Variants in ZNF609 observed in about 807,000 individuals in gnomAD.
ZNF609 encodes zinc finger protein 609.
Under a neutral mutation model 109.5 loss-of-function variants are expected in ZNF609, and 11 were observed. The ratio of observed to expected loss-of-function variants is 0.10; its 90% CI spans 0.06 to 0.17. The LOEUF (loss-of-function observed/expected upper bound fraction) is 0.17. ZNF609 is among the 10% of genes least tolerant of loss of function. The pLI, the probability that ZNF609 is intolerant of heterozygous loss-of-function variation, is 1.00. For missense variants in ZNF609, 1,559 were observed against 1,772.4 expected, an observed-to-expected ratio of 0.88 and a Z score of 2.16; for synonymous variants, 646 against 662.0, an observed-to-expected ratio of 0.98 and a Z score of 0.37.
intron 2 of ZNF609, among the ~76,000 whole-genome samples, chr15:64,562,452 T>C (rs1431084697): frequency 6.6e-6 from 1 of 152,196 alleles, no homozygotes; most frequent in East Asian, 1.9e-4. Flanking sequence ...CTATGTGACT[T>C]CAAAGCTGGT....
At position 64,675,819 on chromosome 15, in the gene ZNF609, A is replaced by G; in HGVS notation, c.2965A>G (p.Ser989Gly). The change falls in exon 5 of 10, where the codon AGT (serine) becomes GGT (glycine). Residue 989 changes from serine (S) to glycine (G), a missense_variant. Physicochemically the swap from Ser to Gly is moderately conservative, Grantham distance 56. Transcript: ENST00000326648. ...ACCCCCCTATGGCTACAGCGACCAG[A>G]GTTACCACACCCACCTTCTGAGCAC... is the stretch of plus-strand genomic sequence containing the variant. ...YVPPYGYSDQSYHTHLLSTNT... is the reference protein window; with the variant it reads ...YVPPYGYSDQGYHTHLLSTNT... 9 of 1,614,214 alleles carry G rather than the reference A, an allele frequency of 5.6e-6. No individual in the cohort carries two copies. The highest frequency in any genetic ancestry group is 6.8e-6 in the Non-Finnish European group (8 of 1,180,046).
chr15:64,560,191 G>A (rs1894653711), intron 2 of ZNF609, among the ~76,000 whole-genome samples: 1 of 152,024 alleles, frequency 6.6e-6, no homozygotes, highest in African/African-American at 2.4e-5. Flanking sequence ...GACTACAGGT[G>A]CATGCCACCA....
chr15:64,666,866 G>A (rs953345543), intron 3 of ZNF609, among the ~76,000 whole-genome samples: 1 of 151,346 alleles, frequency 6.6e-6, no homozygotes, highest in Non-Finnish European at 1.5e-5. Flanking sequence ...GGTGGCTCAT[G>A]CCTGTAATCC....
chr15:64,472,521 C>A (rs1235654565), intron 1 of ZNF609, among the ~76,000 whole-genome samples: 1 of 152,130 alleles, frequency 6.6e-6, no homozygotes, highest in African/African-American at 2.4e-5. Flanking sequence ...TAGGTGGGCA[C>A]TTTGTGTCTG....
chr15:64,506,311 C>T (rs1389137416), intron 2 of ZNF609, among the ~76,000 whole-genome samples: 4 of 151,172 alleles, frequency 2.6e-5, no homozygotes, highest in Admixed American at 6.6e-5. Context: ...TTAGTAGAGA[C>T]AGGGTTTCGT....
At chr15:64,632,614 T>A (rs1896101953) in intron 3 of ZNF609, among the ~76,000 whole-genome samples, 1 of 152,028 alleles carries the variant, frequency 6.6e-6, no homozygotes, top group Admixed American at 6.6e-5. Flanking sequence ...CCCAAGTAGC[T>A]GGAATCACAC....
At chr15:64,608,461 G>A (rs1393881065) in intron 2 of ZNF609, among the ~76,000 whole-genome samples, 3 of 151,710 alleles carry the variant, frequency 2.0e-5, no homozygotes, top group African/African-American at 4.8e-5. Flanking sequence ...CCATTTACTC[G>A]TACTCATTTG....
intron 2 of ZNF609, among the ~76,000 whole-genome samples, chr15:64,605,765 G>C (rs1423938491): frequency 7.2e-6 from 1 of 138,170 alleles, no homozygotes; most frequent in Non-Finnish European, 1.5e-5. Context: ...ACGGAGTCTC[G>C]CTCTGTCGCC....
At chr15:64,521,276 G>T (rs1893887469) in intron 2 of ZNF609, among the ~76,000 whole-genome samples, 2 of 152,376 alleles carry the variant, frequency 1.3e-5, no homozygotes, top group South Asian at 4.1e-4. Flanking sequence ...ATAAACAAGA[G>T]CTGGCATGTG....
At chr15:64,541,839 C>CA (rs59597800) in intron 2 of ZNF609, among the ~76,000 whole-genome samples, 3,266 of 40,804 alleles carry the variant, frequency 0.08, 192 homozygotes, top group African/African-American at 0.14. Flanking sequence ...GACTCCAACT[C>CA]AAAAAAAAAA....
At chr15:64,624,877 A>C (rs745682754) in intron 3 of ZNF609, among the ~76,000 whole-genome samples, 23 of 150,414 alleles carry the variant, frequency 1.5e-4, no homozygotes, top group Non-Finnish European at 3.1e-4. Context: ...CTTCTCTCTC[A>C]GCCTCCTGAG....
rs1035447348 is a variant in ZNF609 at position 64,681,703 on chromosome 15, C to T, written c.*17C>T. 1.2e-5 allele frequency: 3 copies of T among 251,390 alleles called. No homozygotes were observed. Among genetic ancestry groups the T allele is most frequent in the Non-Finnish European group, 1.5e-5 (2 of 129,656 alleles). 15.6% of individuals were successfully genotyped at this position (251,390 alleles called of 1,614,324 possible). A position where few individuals can be genotyped will look rare whatever the true frequency, so the allele number is the denominator to read the frequency against. On this transcript the variant is annotated 3_prime_UTR_variant, in exon 10 of 10. Coordinates refer to ENST00000326648, the MANE Select transcript of ZNF609 (RefSeq NM_015042.2). ...TGTTTCCCTTGCAGACACCAAGTGC[C>T]CGGATAAAGTCAGCTTCACGGGCCC...
chr15:64,590,456 G>A (rs1384142805), intron 2 of ZNF609, among the ~76,000 whole-genome samples: 1 of 151,780 alleles, frequency 6.6e-6, no homozygotes, highest in Non-Finnish European at 1.5e-5. Context: ...TGAGTAGCTG[G>A]GATTAAAGGT....
At chr15:64,473,134 G>GAAGCAT (rs1044426768) in intron 1 of ZNF609, among the ~76,000 whole-genome samples, 1 of 149,876 alleles carries the variant, frequency 6.7e-6, no homozygotes, top group African/African-American at 2.5e-5. Context: ...TTTTCTCCTT[G>GAAGCAT]AAGCATTGCT....
intron 4 of ZNF609, among the ~76,000 whole-genome samples, chr15:64,672,287 C>T (rs1452740051): frequency 6.7e-6 from 1 of 149,230 alleles, no homozygotes; most frequent in East Asian, 2.1e-4. Flanking sequence ...GCTGGGATTA[C>T]AGGCATGAGC....
At chr15:64,553,538 C>T (rs926231293) in intron 2 of ZNF609, among the ~76,000 whole-genome samples, 2 of 150,622 alleles carry the variant, frequency 1.3e-5, no homozygotes, top group Admixed American at 6.6e-5. Flanking sequence ...TGAATGTTTA[C>T]GTAATAATTT....
intron 1 of ZNF609, among the ~76,000 whole-genome samples, chr15:64,485,631 T>C (rs148609884): frequency 6.6e-6 from 1 of 152,014 alleles, no homozygotes; most frequent in African/African-American, 2.4e-5. Context: ...AGTGAGACCC[T>C]GTCTACAAAA....
chr15:64,610,015 A>AAAT (rs891285549), intron 2 of ZNF609, among the ~76,000 whole-genome samples: 7 of 151,492 alleles, frequency 4.6e-5, no homozygotes, highest in African/African-American at 7.3e-5. Context: ...CTATCTCAAA[A>AAAT]AATAATAATA....
chr15:64,495,328 T>A (rs1893467977), intron 1 of ZNF609, among the ~76,000 whole-genome samples: 2 of 152,182 alleles, frequency 1.3e-5, no homozygotes, highest in Non-Finnish European at 2.9e-5. Flanking sequence ...ATATTTGTAT[T>A]TATAGGAATT....
Sources: gnomAD v4.1 joint callset for allele counts (sites outside exome capture counted in the v4.1 genomes callset) on GRCh38, gnomAD v4.1.1 for gene constraint, MANE v1.5 for transcripts, NCBI Gene and HGNC (gene_info 2026-07-23, HGNC 2026-07-21) for gene names.